The following SLIT3 variants were observed in gnomAD, a reference collection of about 807,000 sequenced individuals.
The protein encoded by SLIT3 is slit homolog 3 protein.
Under a neutral mutation model 184.0 loss-of-function variants are expected in SLIT3, and 68 were observed. The ratio of observed to expected loss-of-function variants is 0.37; its 90% CI spans 0.30 to 0.45. The LOEUF is 0.45. Among genes scored for constraint, SLIT3 ranks in the 20% least tolerant of loss-of-function variants. The pLI, the probability that SLIT3 is intolerant of heterozygous loss-of-function variation, is 1.00. For missense variants in SLIT3, 1,707 were observed against 2,026.0 expected (o/e 0.84, Z 3.02); for synonymous variants, 831 against 828.6 (o/e 1.00, Z -0.05).
intron 4 of SLIT3, among the ~76,000 whole-genome samples, chr5:169,187,111 G>GTTTTTTTTTTTTTTTTTTTTTTT (rs761501769): frequency 1.1e-5 from 1 of 94,418 alleles, no homozygotes; most frequent in Non-Finnish European, 1.9e-5. Context: ...GCAGCTATAG[G>GTTTTTTTTTTTTTTTTTTTTTTT]TTTTTTTTTT....
intron 20 of SLIT3, among the ~76,000 whole-genome samples, chr5:168,747,451 G>A (rs1300851146): frequency 1.3e-5 from 2 of 152,102 alleles, no homozygotes; most frequent in Non-Finnish European, 2.9e-5. Context: ...GTCAATATGC[G>A]TTGAGTGGAT....
At chr5:168,718,677 TACACACACACACACACACACACACACAC>T (rs1163238928) in intron 23 of SLIT3, among the ~76,000 whole-genome samples, 3,589 of 108,696 alleles carry the variant, frequency 0.033, 55 homozygotes, top group Middle Eastern at 0.054. Flanking sequence ...TATCCACCCA[TACACACACACACACACACACACACACAC>T]ACACACACAC....
chr5:168,764,594 C>T (rs1755270213), intron 14 of SLIT3, among the ~76,000 whole-genome samples: 1 of 152,162 alleles, frequency 6.6e-6, no homozygotes, highest in Non-Finnish European at 1.5e-5. Flanking sequence ...GTTTTGCATG[C>T]CTTCTGTGAT....
intron 23 of SLIT3, among the ~76,000 whole-genome samples, chr5:168,719,135 T>C (rs1762854522): frequency 6.6e-6 from 1 of 152,236 alleles, no homozygotes; most frequent in South Asian, 2.1e-4. Context: ...TACTGCAGCC[T>C]CCACTTGCCT....
intron 4 of SLIT3, among the ~76,000 whole-genome samples, chr5:169,075,094 T>C (rs1246699461): frequency 6.6e-6 from 1 of 152,078 alleles, no homozygotes; most frequent in Admixed American, 6.5e-5. Context: ...ATAAACATAA[T>C]ACATCACCGA....
intron 4 of SLIT3, among the ~76,000 whole-genome samples, chr5:169,003,178 A>G (rs541765040): frequency 6.6e-5 from 10 of 152,324 alleles, no homozygotes; most frequent in African/African-American, 2.2e-4. Flanking sequence ...CTTTTTTCCT[A>G]GAATACTCAG....
At position 169,016,838 on chromosome 5, in the gene SLIT3, A is replaced by G. The variant is rs74774005; in HGVS notation, c.414-133502T>C. On this transcript the variant is annotated intron_variant, in intron 4 of 35. Transcript: ENST00000519560. ...GCACTTAATACAACATTAGGAACAT[A>G]GTAAATGCTCTATAAATGTTATTTT... 2.2e-4 allele frequency among the ~76,000 whole-genome samples: 34 copies of G among 152,346 alleles called. No individual in the cohort carries two copies. In the East Asian group the frequency reaches 5.6e-3, roughly 25 times the overall value.
intron 7 of SLIT3, among the ~76,000 whole-genome samples, 165 bp from the exon 8 acceptor site, chr5:168,817,628 C>T (rs1333305073): frequency 1.3e-5 from 2 of 152,192 alleles, no homozygotes; most frequent in Admixed American, 6.5e-5. Flanking sequence ...ACATGGGAGC[C>T]CCAACCCTTT....
intron 7 of SLIT3, among the ~76,000 whole-genome samples, chr5:168,821,368 G>C (rs1036755533): frequency 6.6e-6 from 1 of 152,184 alleles, no homozygotes; most frequent in Admixed American, 6.5e-5. Context: ...ATTCCTGCAG[G>C]TGAGAGTCAT....
At chr5:168,787,007 G>C (rs143534844) in intron 11 of SLIT3, among the ~76,000 whole-genome samples, 2 of 152,148 alleles carry the variant, frequency 1.3e-5, no homozygotes, top group Non-Finnish European at 2.9e-5. Flanking sequence ...TCTTTGAGGA[G>C]ACAAAATATT....
intron 4 of SLIT3, among the ~76,000 whole-genome samples, chr5:168,967,421 C>T (rs951015009): frequency 6.8e-6 from 1 of 146,308 alleles, no homozygotes; most frequent in Non-Finnish European, 1.5e-5. Context: ...ATTCCTCTGG[C>T]ACTGCCATCT....
At chr5:169,170,961 T>C (rs551630792) in intron 4 of SLIT3, among the ~76,000 whole-genome samples, 16 of 152,124 alleles carry the variant, frequency 1.1e-4, no homozygotes, top group Non-Finnish European at 2.4e-4. Flanking sequence ...TTACCAACCA[T>C]GTAGTTGGGG....
chr5:168,749,626 C>G lies in SLIT3; in HGVS notation c.1983G>C (p.Leu661=). The part of the protein sequence containing the change: ...TLVSLSTINL[L]SNPFNCNCHL... Reference sequence around the variant, plus strand: ...GGCAGTTGCAGTTGAAGGGGTTGGACAGGAGGTTTCTAGGAAGAGAGAAGG... The same window carrying G: ...GGCAGTTGCAGTTGAAGGGGTTGGAGAGGAGGTTTCTAGGAAGAGAGAAGG... Residue 661 remains leucine (L), a synonymous_variant, in exon 19 of 36, where the codon CTG becomes CTC. Coordinates refer to ENST00000519560, the MANE Select transcript of SLIT3 (RefSeq NM_003062.4). The G allele has an allele frequency of 6.2e-7, 1 of 1,614,152 alleles. No individual in the cohort carries two copies. The highest frequency in any genetic ancestry group is 2.2e-5 in the East Asian group (1 of 44,874).
At position 168,752,989 on chromosome 5, in the gene SLIT3, C is replaced by T. The variant is rs762296325; in HGVS notation, c.1939G>A (p.Gly647Arg). ...YDNRITTITPGAFTTLVSLST... is the reference protein window; with the variant it reads ...YDNRITTITPRAFTTLVSLST... ...AGGGAGACAAGCGTGGTGAAGGCCCCAGGGGTGATGGTGGTGATCCGATTG... is the reference window on the plus strand; with the variant it reads ...AGGGAGACAAGCGTGGTGAAGGCCCTAGGGGTGATGGTGGTGATCCGATTG... The change falls in exon 18 of 36, where the codon GGG (glycine) becomes AGG (arginine). Residue 647 changes from glycine (G) to arginine (R), a missense_variant. By Grantham distance (125) the Gly-to-Arg change is moderately radical. Transcript: ENST00000519560. 5.6e-6 allele frequency: 9 copies of T among 1,613,916 alleles called. No individual in the cohort carries two copies. In the South Asian group the frequency reaches 7.7e-5, roughly 14 times the overall value.
chr5:168,998,478 G>C (rs1755587615), intron 4 of SLIT3, among the ~76,000 whole-genome samples: 2 of 152,152 alleles, frequency 1.3e-5, no homozygotes, highest in African/African-American at 4.8e-5. Context: ...GGCTGAGGCG[G>C]GCAGATCAGA....
intron 1 of SLIT3, among the ~76,000 whole-genome samples, chr5:169,286,076 T>G (rs1376308259): frequency 6.6e-6 from 1 of 152,212 alleles, no homozygotes; most frequent in African/African-American, 2.4e-5. Context: ...AAGCTTGACA[T>G]GTATTACCTC....
intron 4 of SLIT3, among the ~76,000 whole-genome samples, chr5:168,976,397 A>G (rs75511916): frequency 0.064 from 9,727 of 152,266 alleles, 373 homozygotes; most frequent in African/African-American, 0.097. Flanking sequence ...CACAGATGCT[A>G]TGCATACCAC....
At chr5:169,128,409 A>G (rs1761165212) in intron 4 of SLIT3, among the ~76,000 whole-genome samples, 1 of 151,760 alleles carries the variant, frequency 6.6e-6, no homozygotes, top group South Asian at 2.1e-4. Context: ...TCCATCCTGT[A>G]GTGTAATGCT....
chr5:169,170,261 C>T (rs968762334), intron 4 of SLIT3, among the ~76,000 whole-genome samples: 20 of 152,154 alleles, frequency 1.3e-4, no homozygotes, highest in African/African-American at 4.8e-4. Flanking sequence ...GGGATGAAGA[C>T]CATGATGTTG....
Sources: gnomAD v4.1 joint callset for allele counts (sites outside exome capture counted in the v4.1 genomes callset) on GRCh38, gnomAD v4.1.1 for gene constraint, MANE v1.5 for transcripts, NCBI Gene and HGNC (gene_info 2026-07-23, HGNC 2026-07-21) for gene names.